Variants in ZNF8 observed in about 807,000 individuals in gnomAD.
The protein encoded by ZNF8 is zinc finger protein 272.
In ZNF8, 9 loss-of-function variants were observed where a neutral mutation model predicts 12.2. The observed-to-expected ratio is 0.73, with a 90% confidence interval of 0.44 to 1.28. ZNF8 has a LOEUF of 1.28. Ranked by LOEUF, ZNF8 falls within the 50% of genes most tolerant of loss-of-function variation. The probability of loss-of-function intolerance (pLI) is 0.00; values close to 1 mark genes in which losing one functional copy is unlikely to be tolerated. For synonymous variants in ZNF8, 274 were observed against 282.3 expected (o/e 0.97, Z 0.30); for missense variants, 664 against 729.1 (o/e 0.91, Z 1.03).
intron 3 of ZNF8, among the ~76,000 whole-genome samples, chr19:58,290,637 G>A (rs2051413948): frequency 6.6e-6 from 1 of 152,156 alleles, no homozygotes; most frequent in Non-Finnish European, 1.5e-5. Context: ...GTGTGTTCTT[G>A]TAGTCCTAGC....
chr19:58,283,026 G>A (rs539849631), intron 1 of ZNF8, among the ~76,000 whole-genome samples: 1 of 150,118 alleles, frequency 6.7e-6, no homozygotes, highest in East Asian at 1.9e-4. Context: ...TGCTTAGGCT[G>A]GAGTGCGGTG....
rs746551210 is a variant in ZNF8, at chr19:58,295,197, C to T, written c.1389C>T (p.Ser463=). The T allele has an allele frequency of 2.7e-5, 44 of 1,614,012 alleles. No homozygotes were observed. The highest frequency in any genetic ancestry group is 8.9e-5 in the East Asian group (4 of 44,892). The stretch of plus-strand genomic sequence containing the variant: ...GTCAAGATGAGAGGACTCACCGAAG[C>T]GACAGACCCTTCAAATGTAATCAGT... ...PLSQDERTHR[S]DRPFKCNQCG... Residue 463 remains serine, a synonymous_variant, in exon 4 of 4, where the codon AGC becomes AGT. Transcript: ENST00000621650.
chr19:58,290,876 C>T (rs190610418), intron 3 of ZNF8, among the ~76,000 whole-genome samples: 35 of 152,272 alleles, frequency 2.3e-4, no homozygotes, highest in African/African-American at 7.7e-4. Flanking sequence ...CCTGGCAAAA[C>T]CACATCTCTA....
rs2051382087 is a variant in ZNF8 at position 58,286,192 on chromosome 19, G to C, written c.276G>C (p.Gln92His). 6.2e-7 allele frequency: 1 copy of C among 1,602,144 alleles called. No individual in the cohort carries two copies. The highest frequency in any genetic ancestry group is 1.1e-5 in the South Asian group (1 of 90,450). ...ELWVAERGTTQGCHPAWEPRS... is the reference protein window; with the variant it reads ...ELWVAERGTTHGCHPAWEPRS... ...GGGTGGCTGAGAGAGGAACCACCCA[G>C]GGCTGCCATCCAGGTGAGAACCCAC... The change falls in exon 3 of 4, where the codon CAG (glutamine) becomes CAC (histidine). Residue 92 changes from glutamine to histidine, a missense_variant. Physicochemically the swap from Gln to His is conservative, Grantham distance 24. Around this residue, in one of 3 missense-constraint regions of ZNF8, gnomAD observed 306 missense variants for 308.7 expected, o/e 0.99. Coordinates refer to ENST00000621650, the MANE Select transcript of ZNF8 (RefSeq NM_021089.3).
At chr19:58,283,744 C>T (rs1470065955) in intron 1 of ZNF8, among the ~76,000 whole-genome samples, 3 of 151,652 alleles carry the variant, frequency 2.0e-5, no homozygotes, top group Non-Finnish European at 4.4e-5. Context: ...GAACTACAGA[C>T]GCCCACCACC....
intron 1 of ZNF8, chr19:58,279,911 T>G: frequency 8.4e-7 from 1 of 1,188,260 alleles, no homozygotes; most frequent in Non-Finnish European, 1.1e-6. Context: ...GGTTTGTTCA[T>G]GGGGATTTGC....
intron 1 of ZNF8, among the ~76,000 whole-genome samples, chr19:58,284,049 CCT>C (rs2051367747): frequency 6.6e-6 from 1 of 151,844 alleles, no homozygotes; most frequent in Non-Finnish European, 1.5e-5. Flanking sequence ...ATGGAGAAAC[CCT>C]GTCTCTACTA....
At chr19:58,287,986 A>T (rs2051394853) in intron 3 of ZNF8, among the ~76,000 whole-genome samples, 1 of 145,850 alleles carries the variant, frequency 6.9e-6, no homozygotes, top group Non-Finnish European at 1.5e-5. Flanking sequence ...TTATAGGCGT[A>T]AGCCACTATG....
At chr19:58,292,812 G>A (rs760625937) in intron 3 of ZNF8, among the ~76,000 whole-genome samples, 16 of 152,266 alleles carry the variant, frequency 1.1e-4, no homozygotes, top group Non-Finnish European at 8.8e-5. Flanking sequence ...TTTTGTTTAT[G>A]CATTTGTTGA....
intron 3 of ZNF8, among the ~76,000 whole-genome samples, chr19:58,291,682 G>A (rs898708912): frequency 6.6e-6 from 1 of 152,192 alleles, no homozygotes; most frequent in African/African-American, 2.4e-5. Context: ...AGAGATGGAT[G>A]CCAGTGCCAG....
chr19:58,296,499 A>G lies in ZNF8; in HGVS notation c.*963A>G, dbSNP rs2051456319. 1 of 152,102 alleles carries G rather than the reference A, an allele frequency of 6.6e-6. No homozygotes were observed. The highest frequency in any genetic ancestry group is 2.4e-5 in the African/African-American group (1 of 41,382). The allele number at this position is 152,102 out of a possible 1,614,324, so 9.4% of individuals were successfully genotyped here. On this transcript the variant is annotated 3_prime_UTR_variant, in exon 4 of 4. Coordinates refer to ENST00000621650, the MANE Select transcript of ZNF8 (RefSeq NM_021089.3). ...AACCTCCGCCTCCCAGGTTAAAGCA[A>G]TTCTCCTGCCTTAGTCCCCCGAGTA... is the stretch of plus-strand genomic sequence containing the variant.
chr19:58,283,474 G>A (rs565968481), intron 1 of ZNF8, among the ~76,000 whole-genome samples: 1 of 152,064 alleles, frequency 6.6e-6, no homozygotes, highest in East Asian at 1.9e-4. Context: ...ACCTGAGCTG[G>A]CACACTCTTG....
intron 1 of ZNF8, chr19:58,279,429 TCTC>T: frequency 6.9e-7 from 1 of 1,450,152 alleles, no homozygotes; most frequent in Non-Finnish European, 9.1e-7. Flanking sequence ...AGCAGGCCCA[TCTC>T]CTGCGTTCTG....
intron 1 of ZNF8, among the ~76,000 whole-genome samples, chr19:58,283,047 G>C (rs1195758465): frequency 6.7e-6 from 1 of 149,902 alleles, no homozygotes; most frequent in East Asian, 1.9e-4. Context: ...GCATGATCTT[G>C]GCTTGCTGCA....
chr19:58,290,586 C>G (rs1393485809), intron 3 of ZNF8, among the ~76,000 whole-genome samples: 1 of 151,658 alleles, frequency 6.6e-6, no homozygotes, highest in Non-Finnish European at 1.5e-5. Flanking sequence ...AGAAGAAGAC[C>G]GCGTCTCTAC....
intron 1 of ZNF8, among the ~76,000 whole-genome samples, chr19:58,283,446 C>T (rs2051362601): frequency 6.6e-6 from 1 of 152,000 alleles, no homozygotes; most frequent in South Asian, 2.1e-4. Flanking sequence ...GGACTAGTGG[C>T]TTTAGAAGGA....
Position 58,298,053 on chromosome 19 carries a change from G to T in ZNF8, c.*2517G>T, listed in dbSNP as rs548430788. 2 of 150,366 alleles carry T rather than the reference G, an allele frequency of 1.3e-5. No homozygotes were observed. The highest frequency in any genetic ancestry group is 3.9e-4 in the East Asian group (2 of 5,086). The allele number at this position is 150,366 out of a possible 1,614,324, so 9.3% of individuals were successfully genotyped here. A position where few individuals can be genotyped will look rare whatever the true frequency, so the allele number is the denominator to read the frequency against. ...CTTTTTTTTTTTTTTCTTTTGAGAC[G>T]GAGTCTCGCTCTGTCGCCCAGGCTG... On this transcript the variant is annotated 3_prime_UTR_variant, in exon 4 of 4. Coordinates refer to ENST00000621650, the MANE Select transcript of ZNF8 (RefSeq NM_021089.3).
At chr19:58,286,675 T>G (rs981841467) in intron 3 of ZNF8, 1 of 153,448 alleles carries the variant, frequency 6.5e-6, no homozygotes, top group Non-Finnish European at 1.5e-5. Flanking sequence ...TAAACCACTC[T>G]CATCAGTTAG....
chr19:58,295,087 T>TGCCGCCAGAGGCTGATCTTTGAGC lies in ZNF8; in HGVS notation c.1280_1303dup (p.Glu434_Gln435insArgArgGlnArgLeuIlePheGlu). The TGCCGCCAGAGGCTGATCTTTGAGC allele has an allele frequency of 6.2e-7, 1 of 1,613,964 alleles. No homozygotes were observed. The highest frequency in any genetic ancestry group is 8.5e-7 in the Non-Finnish European group (1 of 1,180,000). The stretch of plus-strand genomic sequence containing the variant: ...GCACGCGGGGGAGAAGCCCTTTGAG[T>TGCCGCCAGAGGCTGATCTTTGAGC]GCCGCCAGAGGCTGATCTTTGAGCA... On this transcript the variant is annotated inframe_insertion, in exon 4 of 4. Transcript: ENST00000621650.
Sources: gnomAD v4.1 joint callset for allele counts (sites outside exome capture counted in the v4.1 genomes callset) on GRCh38, gnomAD v4.1.1 for gene constraint, gnomAD v4.1.1 regional missense constraint, MANE v1.5 for transcripts, NCBI Gene and HGNC (gene_info 2026-07-23, HGNC 2026-07-21) for gene names.